ZNF345: variants seen among roughly 807,000 people sequenced by gnomAD.
ZNF345 encodes zinc finger protein 345.
For missense variants in ZNF345, 527 were observed against 589.9 expected (o/e 0.89, Z 1.10); for synonymous variants, 166 against 187.9 (o/e 0.88, Z 0.95).
In ZNF345 at chr19:36,858,542, G is replaced by A. The variant is rs539568563; in HGVS notation, c.-47+6638G>A. 2.6e-5 allele frequency among the ~76,000 whole-genome samples: 4 copies of A among 152,272 alleles called. No individual in the cohort carries two copies. In the South Asian group the frequency reaches 6.2e-4, roughly 24 times the overall value. On this transcript the variant is annotated intron_variant, in intron 2 of 2. Coordinates refer to ENST00000420450, the MANE Select transcript of ZNF345 (RefSeq NM_001242472.2). ...GCACTTTAGGAGGAAGGCGGGCGGC[G>A]GATCACCTGAGGTCGGGAGTTCGAG...
intron 2 of ZNF345, among the ~76,000 whole-genome samples, chr19:36,871,691 A>G (rs10420082): frequency 0.027 from 4,105 of 152,020 alleles, 160 homozygotes; most frequent in African/African-American, 0.091. Flanking sequence ...AGATTTATAT[A>G]TTGATTTGGT....
At chr19:36,889,455 T>A (rs922058370) in intron 3 of ZNF345, 1 of 152,186 alleles carries the variant, frequency 6.6e-6, no homozygotes, top group Non-Finnish European at 1.5e-5. Context: ...TTTTTTCTAT[T>A]ACTGATTCAA....
chr19:36,866,160 G>T (rs2072655735), intron 2 of ZNF345, among the ~76,000 whole-genome samples: 1 of 152,066 alleles, frequency 6.6e-6, no homozygotes, highest in Non-Finnish European at 1.5e-5. Context: ...TATCATGGCT[G>T]TTAGACTACT....
rs878995568 is a variant in ZNF345 at position 36,877,885 on chromosome 19, G to A, written c.1055G>A (p.Ser352Asn). The change falls in exon 3 of 3, where the codon AGT (serine) becomes AAT (asparagine). Residue 352 changes from serine (S) to asparagine (N), a missense_variant. By Grantham distance (46) the Ser-to-Asn change is conservative. Transcript: ENST00000420450. ...TGTAAGGAATGTGGGAAGACCTTTA[G>A]TAGTGGTTCAGACCTTACTCAACAT... ...YECKECGKTF[S>N]SGSDLTQHHR... 2 of 1,613,872 alleles carry A rather than the reference G, an allele frequency of 1.2e-6. No individual in the cohort carries two copies. The highest frequency in any genetic ancestry group is 1.7e-6 in the Non-Finnish European group (2 of 1,179,980).
chr19:36,854,532 G>A (rs1181960031), intron 2 of ZNF345: 1 of 152,160 alleles, frequency 6.6e-6, no homozygotes, highest in Non-Finnish European at 1.5e-5. Context: ...ACAAAGGGTT[G>A]GAACTTTGAG....
chr19:36,862,663 CAAAAAAA>C (rs753670661), intron 2 of ZNF345, among the ~76,000 whole-genome samples: 12 of 39,952 alleles, frequency 3.0e-4, no homozygotes, highest in East Asian at 1.6e-3. Flanking sequence ...GACCCAGTCT[CAAAAAAA>C]AAAAAAAAAA....
At chr19:36,879,885 T>C (rs1392425990), downstream of ZNF345, among the ~76,000 whole-genome samples, 7 of 152,226 alleles carry the variant, frequency 4.6e-5, no homozygotes, top group Non-Finnish European at 1.0e-4. Flanking sequence ...TACCCATCAC[T>C]ATTATCTTCT....
At chr19:36,850,554 C>T (rs2072238077), upstream of ZNF345, 1 of 152,324 alleles carries the variant, frequency 6.6e-6, no homozygotes, top group African/African-American at 2.4e-5. Context: ...ACTAAACTGG[C>T]TTAGCTGGAT....
chr19:36,858,401 A>G (rs560398468), intron 2 of ZNF345: 1 of 152,436 alleles, frequency 6.6e-6, no homozygotes, highest in East Asian at 1.9e-4. Flanking sequence ...ACTTCAGCGC[A>G]TATAAGCTGA....
chr19:36,871,649 G>A (rs1397693602), intron 2 of ZNF345, among the ~76,000 whole-genome samples: 2 of 151,440 alleles, frequency 1.3e-5, no homozygotes, highest in East Asian at 3.9e-4. Context: ...GTTTTACTTG[G>A]GTATGTGTTT....
intron 2 of ZNF345, among the ~76,000 whole-genome samples, chr19:36,874,492 T>TAA (rs71171474): frequency 4.4e-5 from 4 of 91,328 alleles, no homozygotes; most frequent in Non-Finnish European, 2.0e-5. Flanking sequence ...GAAACTCCAC[T>TAA]AAAAAAAAAA....
chr19:36,882,513 C>T (rs913543014), downstream of ZNF345, among the ~76,000 whole-genome samples: 5 of 152,144 alleles, frequency 3.3e-5, no homozygotes, highest in Non-Finnish European at 5.9e-5. Context: ...GTGATCCGCC[C>T]GCCTCGGCCT....
chr19:36,857,120 C>T (rs1248806078), intron 2 of ZNF345, among the ~76,000 whole-genome samples: 1 of 151,850 alleles, frequency 6.6e-6, no homozygotes, highest in East Asian at 1.9e-4. Context: ...ATCTTTATCA[C>T]GAATTGTAAT....
Position 36,891,389 on chromosome 19 carries a change from T to C in ZNF345, c.47-1429T>C, listed in dbSNP as rs373771511. On this transcript the variant is annotated intron_variant, in intron 3 of 3. Coordinates refer to the ZNF345 transcript ENST00000526123. ...TGTTATCGTATCGTTTAAAAACGAA[T>C]ACATAGGAGAACCTTTGATAATATG... The C allele has an allele frequency of 9.8e-6, 12 of 1,223,882 alleles. No homozygotes were observed. The African/African-American group carries it at 1.8e-4, about 19-fold the overall frequency. 75.8% of individuals were successfully genotyped at this position (1,223,882 alleles called of 1,614,324 possible). A position where few individuals can be genotyped will look rare whatever the true frequency, so the allele number is the denominator to read the frequency against.
At position 36,877,973 on chromosome 19, in the gene ZNF345, T is replaced by G; in HGVS notation, c.1143T>G (p.Ser381Arg). ...AGGAATGTGGGAAGGCCTTTGGTAGTGGCTCAAAACTTATCCAACACCAGC... is the reference window on the plus strand; with the variant it reads ...AGGAATGTGGGAAGGCCTTTGGTAGGGGCTCAAAACTTATCCAACACCAGC... ...ECKECGKAFG[S>R]GSKLIQHQLI... The change falls in exon 3 of 3, where the codon AGT becomes AGG. Residue 381 changes from serine to arginine, a missense_variant. Coordinates refer to ENST00000420450, the MANE Select transcript of ZNF345 (RefSeq NM_001242472.2). The G allele has an allele frequency of 7.4e-6, 12 of 1,614,024 alleles. No individual in the cohort carries two copies. The highest frequency in any genetic ancestry group is 1.0e-5 in the Non-Finnish European group (12 of 1,179,894).
exon 4 of ZNF345, chr19:36,893,028 A>G (rs1481933756): frequency 7.4e-6 from 3 of 403,752 alleles, no homozygotes; most frequent in Non-Finnish European, 1.3e-5. Context: ...ACATATGCTC[A>G]CATGCACAGA....
intron 2 of ZNF345, among the ~76,000 whole-genome samples, chr19:36,859,865 CCT>C (rs1158809277): frequency 4.0e-5 from 6 of 148,204 alleles, no homozygotes; most frequent in East Asian, 4.0e-4. Flanking sequence ...TCTCTCTCTC[CCT>C]CTCTCTCTCT....
intron 2 of ZNF345, among the ~76,000 whole-genome samples, chr19:36,859,269 C>T (rs2072493491): frequency 6.6e-6 from 1 of 151,924 alleles, no homozygotes; most frequent in Non-Finnish European, 1.5e-5. Flanking sequence ...GATTCTCCTG[C>T]CTCAGCCTCT....
chr19:36,864,784 T>C (rs2072624260), intron 2 of ZNF345, among the ~76,000 whole-genome samples: 2 of 152,146 alleles, frequency 1.3e-5, no homozygotes, highest in Admixed American at 6.5e-5. Flanking sequence ...GGGTTCCTCA[T>C]TCTTAAGACA....
Sources: allele counts gnomAD v4.1 joint callset (sites outside exome capture counted in the v4.1 genomes callset), GRCh38; gene constraint gnomAD v4.1.1; transcripts MANE v1.5; gene names NCBI Gene and HGNC (gene_info 2026-07-23, HGNC 2026-07-21).